The following PCM1 variants were observed in gnomAD, a reference collection of about 807,000 sequenced individuals.
PCM1 encodes pericentriolar material 1, also known as pericentriolar material 1 protein.
PCM1 carries 157 observed loss-of-function variants against 241.9 expected under a neutral mutation model. The ratio of observed to expected loss-of-function variants is 0.65; its 90% CI spans 0.57 to 0.74. The LOEUF (loss-of-function observed/expected upper bound fraction) is 0.74. Among genes scored for constraint, PCM1 ranks in the 30% least tolerant of loss-of-function variants. The pLI is 0.00. For synonymous variants in PCM1, 1,085 were observed against 784.9 expected, an observed-to-expected ratio of 1.38 and a Z score of -6.39; for missense variants, 3,478 against 2,360.1, an observed-to-expected ratio of 1.47 and a Z score of -9.81.
At chr8:17,938,508 A>T (rs915105652) in intron 4 of PCM1, among the ~76,000 whole-genome samples, 2 of 152,150 alleles carry the variant, frequency 1.3e-5, no homozygotes, top group Non-Finnish European at 2.9e-5. Flanking sequence ...CCTTGTTCAT[A>T]TTCGTCAGTT....
rs113472474 is a variant in PCM1, at chr8:18,013,706, A to G, written c.5512-258A>G. 1,022 of 330,336 alleles carry G rather than the reference A, an allele frequency of 3.1e-3. 15 individuals are homozygous for G. The highest frequency in any genetic ancestry group is 0.02 in the African/African-American group (947 of 46,782). 20.5% of individuals were successfully genotyped at this position (330,336 alleles called of 1,614,324 possible). On this transcript the variant is annotated intron_variant, in intron 34 of 38. Transcript: ENST00000325083. ...CATTAAGTGTCTTTTAGAGTCTGAA[A>G]AAAAATGAACAGTGCAGTCTGTTCG... is the stretch of plus-strand genomic sequence containing the variant.
rs537161442 is a variant in PCM1, at chr8:17,966,269, A to G, written c.3075+51A>G. ...TTTCGTCTATTTTTATAACTTCTGA[A>G]GCAATACAAATTTTTCTCAAGTCAT... is the stretch of plus-strand genomic sequence containing the variant. On this transcript the variant is annotated intron_variant, in intron 19 of 38. Transcript: ENST00000325083. 4 of 1,607,626 alleles carry G rather than the reference A, an allele frequency of 2.5e-6. No homozygotes were observed. The African/African-American group carries it at 5.3e-5, about 21-fold the overall frequency.
intron 24 of PCM1, chr8:17,982,416 G>T (rs2081179360): frequency 6.6e-6 from 1 of 152,012 alleles, no homozygotes; most frequent in Non-Finnish European, 1.5e-5. Context: ...GAAATATAAT[G>T]ATTGAATTTT....
At chr8:17,927,980 A>G (rs1206178073) in intron 2 of PCM1, 1 of 151,766 alleles carries the variant, frequency 6.6e-6, no homozygotes, top group African/African-American at 2.4e-5. Context: ...AAAATAGCTA[A>G]ATGAAACTTG....
At position 17,965,989 on chromosome 8, in the gene PCM1, C is replaced by G. The variant is rs754538466; in HGVS notation, c.2856-10C>G. 1.7e-5 allele frequency: 27 copies of G among 1,595,272 alleles called. No individual in the cohort carries two copies. The highest frequency in any genetic ancestry group is 2.2e-5 in the East Asian group (1 of 44,704). On this transcript the variant is annotated splice_polypyrimidine_tract_variant and intron_variant, in intron 18 of 38. Coordinates refer to ENST00000325083, the MANE Select transcript of PCM1 (RefSeq NM_006197.4). ...TGTATGATGACTTAATGCTTTCAATCTTGTGTTAGGTGGAAGAACAATTGC... is the reference window on the plus strand; with the variant it reads ...TGTATGATGACTTAATGCTTTCAATGTTGTGTTAGGTGGAAGAACAATTGC...
intron 6 of PCM1, among the ~76,000 whole-genome samples, chr8:17,941,234 T>C (rs953915311): frequency 1.6e-4 from 25 of 152,166 alleles, no homozygotes; most frequent in African/African-American, 5.1e-4. Flanking sequence ...GTTAGGACGA[T>C]GTGGGTAAAG....
At chr8:17,994,977 G>A (rs994937931) in intron 29 of PCM1, among the ~76,000 whole-genome samples, 19 of 151,392 alleles carry the variant, frequency 1.3e-4, no homozygotes, top group African/African-American at 4.4e-4. Context: ...TCTGTGGGTT[G>A]TCTCTTCACT....
At chr8:17,992,445 C>G (rs559855584) in intron 28 of PCM1, among the ~76,000 whole-genome samples, 2 of 152,144 alleles carry the variant, frequency 1.3e-5, no homozygotes, top group East Asian at 1.9e-4. Context: ...GCCATTCTTG[C>G]AGGAGTAGGA....
chr8:17,931,557 A>G (rs2059034168), intron 2 of PCM1, among the ~76,000 whole-genome samples: 1 of 152,128 alleles, frequency 6.6e-6, no homozygotes, highest in African/African-American at 2.4e-5. Flanking sequence ...ATATATTCTT[A>G]ATACATTTAT....
chr8:17,957,473 G>T, intron 12 of PCM1, 52 bp downstream of exon 12: 1 of 1,605,174 alleles, frequency 6.2e-7, no homozygotes, highest in Non-Finnish European at 8.5e-7. Flanking sequence ...CTTACAAAGT[G>T]GGTTTTCGTT....
At chr8:17,960,765 T>G (rs1277026367) in intron 15 of PCM1, among the ~76,000 whole-genome samples, 1 of 151,906 alleles carries the variant, frequency 6.6e-6, no homozygotes, top group African/African-American at 2.4e-5. Context: ...ACCTCGTGAT[T>G]CGCCCGTCTC....
rs78173829 is a variant in PCM1, at chr8:18,008,091, A to G, written c.4963-1456A>G. Among the ~76,000 whole-genome samples, 1,106 of 152,310 alleles carry G rather than the reference A, an allele frequency of 7.3e-3. 9 individuals carry two copies. The highest frequency in any genetic ancestry group is 0.026 in the African/African-American group (1,062 of 41,564). On this transcript the variant is annotated intron_variant, in intron 30 of 38. Transcript: ENST00000325083. ...CAGATTCCAAAGAATAGACATCAGA[A>G]GTTTGGGATCATTTATATCAGGGGT...
At chr8:17,932,643 A>T (rs2059375701) in intron 2 of PCM1, among the ~76,000 whole-genome samples, 1 of 151,822 alleles carries the variant, frequency 6.6e-6, no homozygotes, top group Non-Finnish European at 1.5e-5. Context: ...TTTTTCTCCC[A>T]AGCTCTCATT....
chr8:17,996,617 C>G (rs1588112057), intron 29 of PCM1, among the ~76,000 whole-genome samples: 1 of 151,676 alleles, frequency 6.6e-6, no homozygotes, highest in Admixed American at 6.6e-5. Context: ...ATTATTTCTT[C>G]TATTTTGGGT....
intron 35 of PCM1, among the ~76,000 whole-genome samples, chr8:18,014,323 C>A (rs571347698): frequency 6.6e-6 from 1 of 151,298 alleles, no homozygotes; most frequent in Admixed American, 6.6e-5. Context: ...AAAAAAAAAT[C>A]TATTTGTAGG....
At chr8:17,972,271 T>A (rs2077112567) in intron 22 of PCM1, 58 bp from the exon 23 acceptor site, 4 of 953,456 alleles carry the variant, frequency 4.2e-6, no homozygotes, top group Non-Finnish European at 6.0e-6. Context: ...ATTCAGTGTA[T>A]TTGGAGTTTT....
At position 17,955,794 on chromosome 8, in the gene PCM1, T is replaced by G. The variant is rs908708493; in HGVS notation, c.1472+141T>G. 1.5e-5 allele frequency: 10 copies of G among 668,892 alleles called. No homozygotes were observed. In the African/African-American group the frequency reaches 1.8e-4, roughly 12 times the overall value. The allele number at this position is 668,892 out of a possible 1,614,324, so 41.4% of individuals were successfully genotyped here. A position where few individuals can be genotyped will look rare whatever the true frequency, so the allele number is the denominator to read the frequency against. ...TCTTAAGGGATAGGTAGAAGAGGCG[T>G]GTGTGTGTTGTGTGGGCATAATTTG... On this transcript the variant is annotated intron_variant, in intron 10 of 38. Coordinates refer to ENST00000325083, the MANE Select transcript of PCM1 (RefSeq NM_006197.4).
At position 17,939,432 on chromosome 8, in the gene PCM1, T is replaced by G. The variant is rs182853915; in HGVS notation, c.613-259T>G. ...TATGCAGTTGTAGAAGTAAAATTTT[T>G]CAGATACTGTAGATTAAAATTTTGA... is the stretch of plus-strand genomic sequence containing the variant. On this transcript the variant is annotated intron_variant, in intron 5 of 38. Transcript: ENST00000325083. Among the ~76,000 whole-genome samples the G allele has an allele frequency of 3.3e-5, 5 of 152,268 alleles. No homozygotes were observed. The East Asian group carries it at 9.6e-4, about 29-fold the overall frequency.
At chr8:18,021,531 C>T (rs2093754342) in intron 36 of PCM1, among the ~76,000 whole-genome samples, 1 of 152,158 alleles carries the variant, frequency 6.6e-6, no homozygotes, top group Non-Finnish European at 1.5e-5. Flanking sequence ...GCAAAAAATT[C>T]TTAGGAAATG....
Sources: gnomAD v4.1 joint callset for allele counts (sites outside exome capture counted in the v4.1 genomes callset) on GRCh38, gnomAD v4.1.1 for gene constraint, MANE v1.5 for transcripts, NCBI Gene and HGNC (gene_info 2026-07-23, HGNC 2026-07-21) for gene names.